Variants in RBMS3 observed in about 807,000 individuals in gnomAD.
The protein encoded by RBMS3 is RNA binding motif single stranded interacting protein 3, also known as RNA-binding motif, single-stranded-interacting protein 3.
RBMS3 carries 27 observed loss-of-function variants against 66.8 expected under a neutral mutation model. The observed-to-expected ratio is 0.40, with a 90% CI of 0.30 to 0.56. The LOEUF (loss-of-function observed/expected upper bound fraction) is 0.56. Among genes scored for constraint, RBMS3 ranks in the 20% least tolerant of loss-of-function variants. The pLI is 0.40. For missense variants in RBMS3, 513 were observed against 549.5 expected (o/e 0.93, Z 0.66); for synonymous variants, 188 against 183.0 (o/e 1.03, Z -0.22).
intron 14 of RBMS3, among the ~76,000 whole-genome samples, chr3:29,992,917 G>C (rs1361111335): frequency 2.6e-5 from 4 of 152,096 alleles, no homozygotes; most frequent in Non-Finnish European, 5.9e-5. Context: ...GGCAAGAATG[G>C]GGGCAAAAGT....
chr3:29,597,616 A>G (rs560036390), intron 4 of RBMS3, among the ~76,000 whole-genome samples: 1 of 152,290 alleles, frequency 6.6e-6, no homozygotes, highest in African/African-American at 2.4e-5. Flanking sequence ...ACATTCCAAC[A>G]TCTGTAAGCA....
intron 1 of RBMS3, among the ~76,000 whole-genome samples, chr3:29,355,865 A>G (rs767595826): frequency 2.6e-5 from 4 of 152,146 alleles, no homozygotes; most frequent in South Asian, 2.1e-4. Flanking sequence ...AAGGTAACCC[A>G]TAATTACTAA....
intron 6 of RBMS3, among the ~76,000 whole-genome samples, chr3:29,819,215 A>G (rs1405236395): frequency 6.6e-6 from 1 of 152,168 alleles, no homozygotes; most frequent in Non-Finnish European, 1.5e-5. Context: ...TTCCATATCC[A>G]TAGCCGTGTA....
At chr3:29,794,804 G>A (rs550420682) in intron 6 of RBMS3, among the ~76,000 whole-genome samples, 5 of 152,082 alleles carry the variant, frequency 3.3e-5, no homozygotes, top group African/African-American at 1.2e-4. Context: ...TCATGTGCCC[G>A]GTACACAGCT....
At chr3:29,944,073 C>A in intron 11 of RBMS3, 134 bp from the exon 12 acceptor site, 2 of 670,706 alleles carry the variant, frequency 3.0e-6, no homozygotes. Flanking sequence ...ATCCTAATGC[C>A]TTTACTGCTC....
intron 6 of RBMS3, among the ~76,000 whole-genome samples, chr3:29,827,757 A>C (rs2058247221): frequency 6.6e-6 from 1 of 152,190 alleles, no homozygotes; most frequent in South Asian, 2.1e-4. Context: ...ACCTAAGAAA[A>C]ACAATGAATG....
At chr3:29,542,247 A>G (rs1340730112) in intron 3 of RBMS3, among the ~76,000 whole-genome samples, 1 of 152,170 alleles carries the variant, frequency 6.6e-6, no homozygotes, top group Non-Finnish European at 1.5e-5. Context: ...TTTGCTTAAA[A>G]TAAATGTAGA....
intron 4 of RBMS3, among the ~76,000 whole-genome samples, chr3:29,632,604 A>AT (rs2049324010): frequency 6.6e-6 from 1 of 151,758 alleles, no homozygotes; most frequent in African/African-American, 2.4e-5. Context: ...TACAAAGAGG[A>AT]TTTTGTGGTG....
intron 1 of RBMS3, among the ~76,000 whole-genome samples, chr3:29,313,556 C>T (rs2034502952): frequency 6.6e-6 from 1 of 151,644 alleles, no homozygotes; most frequent in Non-Finnish European, 1.5e-5. Context: ...TGTTAAATGT[C>T]ACCATATTAG....
intron 6 of RBMS3, among the ~76,000 whole-genome samples, chr3:29,817,663 A>C (rs1193638258): frequency 5.9e-5 from 9 of 152,176 alleles, no homozygotes; most frequent in African/African-American, 2.2e-4. Context: ...GCTTTTGCTC[A>C]GCATGCTTAA....
intron 4 of RBMS3, among the ~76,000 whole-genome samples, chr3:29,658,970 G>A (rs767894708): frequency 2.0e-4 from 31 of 151,976 alleles, no homozygotes; most frequent in Non-Finnish European, 3.4e-4. Flanking sequence ...CTACAGGCAC[G>A]AGCCACCACA....
intron 10 of RBMS3, among the ~76,000 whole-genome samples, chr3:29,902,115 T>G (rs1409273312): frequency 6.6e-6 from 1 of 151,832 alleles, no homozygotes; most frequent in Non-Finnish European, 1.5e-5. Flanking sequence ...TTGAGCTCAT[T>G]AGGACAGGAA....
At chr3:29,304,327 A>G (rs979562390) in intron 1 of RBMS3, among the ~76,000 whole-genome samples, 4 of 151,992 alleles carry the variant, frequency 2.6e-5, no homozygotes, top group Non-Finnish European at 1.5e-5. Flanking sequence ...AATTATATTT[A>G]TGCTATATAT....
At chr3:29,646,679 T>C (rs1419471880) in intron 4 of RBMS3, among the ~76,000 whole-genome samples, 1 of 152,246 alleles carries the variant, frequency 6.6e-6, no homozygotes, top group East Asian at 1.9e-4. Flanking sequence ...TCCTTTTTTT[T>C]TTTCATCCTA....
chr3:29,934,230 C>T (rs2061207062), intron 10 of RBMS3: 1 of 151,784 alleles, frequency 6.6e-6, no homozygotes, highest in Non-Finnish European at 1.5e-5. Context: ...AAAAGATAAC[C>T]TGTCTTGAGT....
chr3:29,747,855 T>C (rs1229650491), intron 5 of RBMS3, among the ~76,000 whole-genome samples: 1 of 152,170 alleles, frequency 6.6e-6, no homozygotes, highest in Non-Finnish European at 1.5e-5. Flanking sequence ...CAGGTTTCAG[T>C]TGGAACCAGC....
intron 1 of RBMS3, among the ~76,000 whole-genome samples, chr3:29,350,447 C>T (rs933180590): frequency 1.3e-5 from 2 of 152,072 alleles, no homozygotes; most frequent in African/African-American, 4.8e-5. Flanking sequence ...ATAAAGTAAA[C>T]TAATTTCAGT....
intron 6 of RBMS3, among the ~76,000 whole-genome samples, chr3:29,831,160 G>C (rs1385532088): frequency 6.6e-6 from 1 of 152,090 alleles, no homozygotes; most frequent in African/African-American, 2.4e-5. Context: ...CATATACATA[G>C]GAATGAAAGT....
chr3:29,838,090 G>T (rs2058570885), intron 6 of RBMS3, among the ~76,000 whole-genome samples: 1 of 150,654 alleles, frequency 6.6e-6, no homozygotes, highest in Admixed American at 6.7e-5. Flanking sequence ...TACTTTGGGA[G>T]GCCAAAATGG....
Sources: gnomAD v4.1 joint callset for allele counts (sites outside exome capture counted in the v4.1 genomes callset) on GRCh38, gnomAD v4.1.1 for gene constraint, MANE v1.5 for transcripts, NCBI Gene and HGNC (gene_info 2026-07-23, HGNC 2026-07-21) for gene names.